Variants in SLC4A7 observed in about 807,000 individuals in gnomAD.
SLC4A7 encodes solute carrier family 4 member 7.
SLC4A7 carries 51 observed loss-of-function variants against 137.6 expected under a neutral mutation model. That is an observed-to-expected ratio of 0.37 (90% CI 0.30 to 0.47). The LOEUF (loss-of-function observed/expected upper bound fraction) is 0.47, where lower values mean the gene tolerates loss of function less well. Ranked by LOEUF, SLC4A7 falls within the 20% of genes least tolerant of loss-of-function variation. The pLI is 1.00. For synonymous variants in SLC4A7, 542 were observed against 518.6 expected (o/e 1.05, Z -0.61); for missense variants, 1,247 against 1,525.4 (o/e 0.82, Z 3.04).
In SLC4A7 at chr3:27,464,176, G is replaced by A. The variant is rs549314614; in HGVS notation, c.61-11678C>T. On this transcript the variant is annotated intron_variant, in intron 1 of 25. Transcript: ENST00000454389. ...GAGCAAGACTCCGTCTCAAAAAAAA[G>A]AAAACACACTGTTGTTTTAATATCA... 9.9e-5 allele frequency among the ~76,000 whole-genome samples: 15 copies of A among 152,116 alleles called. No homozygotes were observed. In the East Asian group the frequency reaches 2.3e-3, roughly 24 times the overall value.
chr3:27,479,716 A>C (rs923584975), intron 1 of SLC4A7, among the ~76,000 whole-genome samples: 14 of 152,238 alleles, frequency 9.2e-5, no homozygotes, highest in Admixed American at 9.2e-4. Context: ...AATAGAGGTA[A>C]AATTCACTGC....
intron 1 of SLC4A7, among the ~76,000 whole-genome samples, chr3:27,475,362 G>T (rs7625337): frequency 0.21 from 31,967 of 150,284 alleles, 3,492 homozygotes; most frequent in Non-Finnish European, 0.25. Context: ...AAGTTTAATA[G>T]AGTAATTCCA....
At chr3:27,377,009 A>G (rs1048302195) in intron 25 of SLC4A7, among the ~76,000 whole-genome samples, 164 bp from the exon 26 acceptor site, 1 of 152,156 alleles carries the variant, frequency 6.6e-6, no homozygotes. Flanking sequence ...TAACTGGAAA[A>G]GCAAATATTA....
At chr3:27,377,154 A>G (rs1021026641) in intron 25 of SLC4A7, among the ~76,000 whole-genome samples, 2 of 152,090 alleles carry the variant, frequency 1.3e-5, no homozygotes, top group Non-Finnish European at 2.9e-5. Flanking sequence ...CTTTTATTTC[A>G]CATATGAACA....
chr3:27,409,654 A>G, intron 12 of SLC4A7, 124 bp from the exon 13 acceptor site: 1 of 632,922 alleles, frequency 1.6e-6, no homozygotes, highest in Non-Finnish European at 2.7e-6. Context: ...TGTTAAATCC[A>G]ATTTAACTTA....
chr3:27,404,782 C>T, intron 14 of SLC4A7, 48 bp downstream of exon 14: 1 of 1,422,818 alleles, frequency 7.0e-7, no homozygotes, highest in East Asian at 2.4e-5. Flanking sequence ...AGTTAATAAA[C>T]AATTTCATAT....
chr3:27,377,397 T>A (rs1369990357), intron 25 of SLC4A7, among the ~76,000 whole-genome samples: 2 of 152,160 alleles, frequency 1.3e-5, no homozygotes, highest in Non-Finnish European at 2.9e-5. Context: ...GAAATATATA[T>A]ATGTTTTTTT....
At chr3:27,442,102 C>A (rs906670807) in intron 3 of SLC4A7, among the ~76,000 whole-genome samples, 5 of 151,922 alleles carry the variant, frequency 3.3e-5, no homozygotes, top group African/African-American at 9.7e-5. Flanking sequence ...TCTTGAACTC[C>A]TGACCAGGTG....
At chr3:27,440,999 C>T (rs1385423837) in intron 3 of SLC4A7, among the ~76,000 whole-genome samples, 6 of 152,100 alleles carry the variant, frequency 3.9e-5, no homozygotes, top group South Asian at 2.1e-4. Context: ...GAGCCAAGAT[C>T]GCATCATCGC....
intron 15 of SLC4A7, among the ~76,000 whole-genome samples, chr3:27,401,561 A>G (rs2052745853): frequency 1.3e-5 from 2 of 152,222 alleles, no homozygotes; most frequent in South Asian, 4.1e-4. Context: ...CAGACTTTGG[A>G]GTCCATCCAG....
rs966354097 is a variant in SLC4A7, at chr3:27,431,424, C to G, written c.1024G>C (p.Glu342Gln). ...TCACTGGCAGGTGAAACCAGTAGTT[C>G]TGGGGCCTGACGCTGACTCTCTTGG... is the stretch of plus-strand genomic sequence containing the variant. Reference protein sequence around the residue: ...SSQESQRQAPELLVSPASDDI... With the variant: ...SSQESQRQAPQLLVSPASDDI... Residue 342 changes from glutamate (E) to glutamine (Q), a missense_variant, in exon 7 of 26, where the codon GAA becomes CAA. Physicochemically the swap from Glu to Gln is conservative, Grantham distance 29. Around this residue, in one of 6 missense-constraint regions of SLC4A7, gnomAD observed 223 missense variants for 203.6 expected, o/e 1.10. Coordinates refer to ENST00000454389, the MANE Select transcript of SLC4A7 (RefSeq NM_001321103.2). 1.9e-6 allele frequency: 3 copies of G among 1,613,898 alleles called. No homozygotes were observed. The highest frequency in any genetic ancestry group is 2.5e-6 in the Non-Finnish European group (3 of 1,179,948).
At chr3:27,397,635 G>T in intron 18 of SLC4A7, 49 bp downstream of exon 18, 1 of 857,090 alleles carries the variant, frequency 1.2e-6, no homozygotes, top group South Asian at 1.4e-5. Flanking sequence ...TTGCTTTAAA[G>T]TAGTGTGGTA....
At chr3:27,379,126 T>C in intron 25 of SLC4A7, 123 bp downstream of exon 25, 1 of 583,398 alleles carries the variant, frequency 1.7e-6, no homozygotes, top group Non-Finnish European at 3.0e-6. Context: ...AAAACATAAT[T>C]ATTATTTATA....
chr3:27,391,061 G>A (rs2051502585), intron 21 of SLC4A7, among the ~76,000 whole-genome samples: 1 of 152,144 alleles, frequency 6.6e-6, no homozygotes, highest in African/African-American at 2.4e-5. Flanking sequence ...GGCCTCAGGT[G>A]ATACTCCTGC....
chr3:27,381,546 A>C (rs1222259248), intron 24 of SLC4A7, among the ~76,000 whole-genome samples: 3 of 152,198 alleles, frequency 2.0e-5, no homozygotes, highest in Non-Finnish European at 4.4e-5. Flanking sequence ...ATACAGAATA[A>C]TACCAATAGT....
At chr3:27,475,044 A>C (rs1048652963) in intron 1 of SLC4A7, among the ~76,000 whole-genome samples, 1 of 152,068 alleles carries the variant, frequency 6.6e-6, no homozygotes, top group Non-Finnish European at 1.5e-5. Context: ...TGGGAGGTGG[A>C]GGTTGCAGTG....
intron 20 of SLC4A7, 28 bp downstream of exon 20, chr3:27,394,490 G>A: frequency 6.3e-7 from 1 of 1,583,682 alleles, no homozygotes; most frequent in South Asian, 1.1e-5. Context: ...TAATAAGATT[G>A]TAAAACACGG....
At chr3:27,434,243 G>A in intron 5 of SLC4A7, 139 bp from the exon 6 acceptor site, 1 of 554,616 alleles carries the variant, frequency 1.8e-6, no homozygotes, top group Non-Finnish European at 3.1e-6. Flanking sequence ...AATAATCAAT[G>A]CAGAAATGAA....
chr3:27,420,181 A>G (rs1264908729), intron 10 of SLC4A7, among the ~76,000 whole-genome samples: 1 of 151,904 alleles, frequency 6.6e-6, no homozygotes, highest in Non-Finnish European at 1.5e-5. Context: ...AAAAGAAAAG[A>G]AAAGAAAAAG....
Sources: allele counts gnomAD v4.1 joint callset (sites outside exome capture counted in the v4.1 genomes callset), GRCh38; gene constraint gnomAD v4.1.1; regional missense constraint gnomAD v4.1.1; transcripts MANE v1.5; gene names NCBI Gene and HGNC (gene_info 2026-07-23, HGNC 2026-07-21).